The following THSD4 variants were observed in gnomAD, a reference collection of about 807,000 sequenced individuals.
THSD4 encodes thrombospondin type-1 domain-containing protein 4.
Under a neutral mutation model 119.0 loss-of-function variants are expected in THSD4, and 69 were observed. That is an observed-to-expected ratio of 0.58 (90% CI 0.48 to 0.71). The LOEUF (loss-of-function observed/expected upper bound fraction) is 0.71. Among genes scored for constraint, THSD4 ranks in the 30% least tolerant of loss-of-function variants. The probability of loss-of-function intolerance (pLI) is 0.00; values close to 1 mark genes in which losing one functional copy is unlikely to be tolerated. For synonymous variants in THSD4, 524 were observed against 540.4 expected (o/e 0.97, Z 0.42); for missense variants, 1,393 against 1,391.1 (o/e 1.00, Z -0.02).
intron 6 of THSD4, among the ~76,000 whole-genome samples, chr15:71,310,304 T>G (rs1278255053): frequency 6.6e-6 from 1 of 152,180 alleles, no homozygotes; most frequent in Non-Finnish European, 1.5e-5. Context: ...TATGTAAATG[T>G]CTCTGTGGGG....
intron 4 of THSD4, among the ~76,000 whole-genome samples, chr15:71,231,757 G>C (rs567908442): frequency 6.6e-6 from 1 of 152,254 alleles, no homozygotes; most frequent in Admixed American, 6.5e-5. Flanking sequence ...TAGGCGACCA[G>C]GGAAGCTTTC....
At chr15:71,201,080 T>TA (rs2043799974) in intron 3 of THSD4, among the ~76,000 whole-genome samples, 1 of 152,122 alleles carries the variant, frequency 6.6e-6, no homozygotes, top group South Asian at 2.1e-4. Flanking sequence ...CCGACTTCCA[T>TA]TAAAGTCAAG....
At chr15:71,430,975 T>C (rs1327542553) in intron 7 of THSD4, among the ~76,000 whole-genome samples, 1 of 152,088 alleles carries the variant, frequency 6.6e-6, no homozygotes, top group Non-Finnish European at 1.5e-5. Flanking sequence ...CCAATTGTGT[T>C]CTGTTACAAG....
chr15:71,140,769 T>C (rs1015639623), intron 1 of THSD4, among the ~76,000 whole-genome samples: 1 of 152,210 alleles, frequency 6.6e-6, no homozygotes, highest in African/African-American at 2.4e-5. Flanking sequence ...TTTTGGTATA[T>C]TCGCAGGGTT....
intron 17 of THSD4, among the ~76,000 whole-genome samples, chr15:71,773,213 A>G (rs1272552176): frequency 7.8e-5 from 11 of 141,616 alleles, no homozygotes; most frequent in Non-Finnish European, 1.7e-4. Flanking sequence ...AAAAAAAAAA[A>G]AAGAAAAAGA....
intron 8 of THSD4, among the ~76,000 whole-genome samples, chr15:71,706,359 A>G (rs1008734932): frequency 1.3e-5 from 2 of 151,626 alleles, no homozygotes; most frequent in African/African-American, 4.9e-5. Context: ...CAGGGATGGG[A>G]GAAAAAAATG....
intron 7 of THSD4, among the ~76,000 whole-genome samples, chr15:71,425,611 G>A (rs147656921): frequency 2.2e-3 from 334 of 152,294 alleles, no homozygotes; most frequent in African/African-American, 8.0e-3. Context: ...CAGGCCTACT[G>A]GTTGGTGCTT....
intron 6 of THSD4, among the ~76,000 whole-genome samples, chr15:71,326,731 T>C (rs1000558973): frequency 1.6e-5 from 1 of 63,736 alleles, no homozygotes; most frequent in Non-Finnish European, 3.5e-5. Context: ...ATATATTAGC[T>C]GGGTGTGGTG....
intron 8 of THSD4, among the ~76,000 whole-genome samples, chr15:71,723,925 C>T (rs2052770333): frequency 6.6e-6 from 1 of 151,798 alleles, no homozygotes; most frequent in Admixed American, 6.6e-5. Flanking sequence ...CAAAAATTAA[C>T]CGATTGTGGT....
At chr15:71,099,139 C>T (rs905225846) in intron 1 of THSD4, among the ~76,000 whole-genome samples, 7 of 152,202 alleles carry the variant, frequency 4.6e-5, no homozygotes, top group African/African-American at 1.4e-4. Flanking sequence ...ATGACCACCA[C>T]TTTTATATTT....
At chr15:71,476,460 T>C (rs945696416) in intron 7 of THSD4, among the ~76,000 whole-genome samples, 34 of 152,202 alleles carry the variant, frequency 2.2e-4, no homozygotes, top group Admixed American at 7.2e-4. Context: ...CAGGCTGGTC[T>C]CGAACTCGTG....
At chr15:71,189,777 G>A (rs1259932945) in intron 3 of THSD4, among the ~76,000 whole-genome samples, 1 of 152,176 alleles carries the variant, frequency 6.6e-6, no homozygotes, top group Non-Finnish European at 1.5e-5. Flanking sequence ...GTCCGCTAGA[G>A]TAATAGTTCT....
intron 7 of THSD4, among the ~76,000 whole-genome samples, chr15:71,483,186 T>C (rs898549396): frequency 1.3e-5 from 2 of 152,124 alleles, no homozygotes; most frequent in African/African-American, 4.8e-5. Flanking sequence ...AGAGAGAAGA[T>C]GCATAGGCCA....
chr15:71,536,341 C>A (rs2048688852), intron 7 of THSD4, among the ~76,000 whole-genome samples: 1 of 152,184 alleles, frequency 6.6e-6, no homozygotes, highest in African/African-American at 2.4e-5. Flanking sequence ...GGTTGAGTTC[C>A]TTTCACAACC....
chr15:71,562,631 A>G (rs930953964), intron 7 of THSD4, among the ~76,000 whole-genome samples: 1 of 151,732 alleles, frequency 6.6e-6, no homozygotes, highest in Admixed American at 6.6e-5. Flanking sequence ...TCCGTTTCAC[A>G]GTTCCTGCTT....
At chr15:71,344,131 C>G (rs1156290660) in intron 6 of THSD4, among the ~76,000 whole-genome samples, 2 of 151,288 alleles carry the variant, frequency 1.3e-5, no homozygotes, top group African/African-American at 2.4e-5. Flanking sequence ...CTCCGCCTCC[C>G]AGGTTCACGC....
intron 8 of THSD4, among the ~76,000 whole-genome samples, chr15:71,682,462 C>T (rs914281033): frequency 5.9e-5 from 9 of 152,152 alleles, no homozygotes; most frequent in Admixed American, 2.0e-4. Context: ...ACCTCCCCAC[C>T]GCAGAAAGAA....
rs544235211 is a variant in THSD4, at chr15:71,344,228, A to G, written c.1016-67459A>G. On this transcript the variant is annotated intron_variant, in intron 6 of 17. Transcript: ENST00000261862. ...TAAATTTTGTTTTTGTATTTTTAAT[A>G]GAGACGGGGTTTCACCGTGTTAGTC... Among the ~76,000 whole-genome samples, 4 of 152,078 alleles carry G rather than the reference A, an allele frequency of 2.6e-5. No individual in the cohort carries two copies. In the East Asian group the frequency reaches 5.8e-4, roughly 22 times the overall value.
At chr15:71,394,567 G>C (rs1223598369) in intron 6 of THSD4, among the ~76,000 whole-genome samples, 1 of 152,200 alleles carries the variant, frequency 6.6e-6, no homozygotes, top group Admixed American at 6.5e-5. Context: ...CACAGTGCCT[G>C]ATTGGCCTTT....
Sources: allele counts gnomAD v4.1 joint callset (sites outside exome capture counted in the v4.1 genomes callset), GRCh38; gene constraint gnomAD v4.1.1; transcripts MANE v1.5; gene names NCBI Gene and HGNC (gene_info 2026-07-23, HGNC 2026-07-21).